The following ABHD2 variants were observed in gnomAD, a reference collection of about 807,000 sequenced individuals.
ABHD2 encodes monoacylglycerol lipase ABHD2.
In ABHD2, 20 loss-of-function variants were observed where a neutral mutation model predicts 48.1. The ratio of observed to expected loss-of-function variants is 0.42; its 90% CI spans 0.29 to 0.60. The LOEUF (loss-of-function observed/expected upper bound fraction) is 0.60, where lower values mean the gene tolerates loss of function less well. Ranked by LOEUF, ABHD2 falls within the 20% of genes least tolerant of loss-of-function variation. The pLI, the probability that ABHD2 is intolerant of heterozygous loss-of-function variation, is 0.24. For missense variants in ABHD2, 405 were observed against 550.9 expected (o/e 0.74, Z 2.65); for synonymous variants, 209 against 214.2 (o/e 0.98, Z 0.21).
At position 89,092,809 on chromosome 15, in the gene ABHD2, G is replaced by A. The variant is rs1901647804; in HGVS notation, c.-107+4246G>A. Among the ~76,000 whole-genome samples, 2 of 152,164 alleles carry A rather than the reference G, an allele frequency of 1.3e-5. No homozygotes were observed. The highest frequency in any genetic ancestry group is 2.4e-5 in the African/African-American group (1 of 41,434). On this transcript the variant is annotated intron_variant, in intron 1 of 10. Transcript: ENST00000352732. The surrounding 1 kb of genome is among the most constrained non-coding windows in gnomAD (Gnocchi z 4.4). ...TTGGCAGTGTGAAAAGAGCTTCCACGTCATTTTTTATGAAGGCCGTCTATT... is the reference window on the plus strand; with the variant it reads ...TTGGCAGTGTGAAAAGAGCTTCCACATCATTTTTTATGAAGGCCGTCTATT...
chr15:89,162,083 G>T (rs2150906331), intron 5 of ABHD2, among the ~76,000 whole-genome samples: 1 of 152,168 alleles, frequency 6.6e-6, no homozygotes, highest in East Asian at 1.9e-4. Flanking sequence ...CCACATTTTG[G>T]CTTAATTACA....
At chr15:89,169,358 A>T (rs1017125028) in intron 5 of ABHD2, among the ~76,000 whole-genome samples, 2 of 152,168 alleles carry the variant, frequency 1.3e-5, no homozygotes, top group African/African-American at 2.4e-5. Flanking sequence ...TCTGTGTTTA[A>T]GTTCCTAGAA....
At chr15:89,059,878 C>G in the ABHD2 span, among the ~76,000 whole-genome samples, 1 of 152,232 alleles carries the variant, frequency 6.6e-6, no homozygotes, top group African/African-American at 2.4e-5. Flanking sequence ...ATTCCACTGT[C>G]CCCTGCCCAG....
At chr15:89,063,971 C>T in the ABHD2 span, among the ~76,000 whole-genome samples, 1 of 151,990 alleles carries the variant, frequency 6.6e-6, no homozygotes, top group Admixed American at 6.5e-5. Flanking sequence ...AGTCCATGGC[C>T]CAGGGGTTGA....
Position 89,151,910 on chromosome 15 carries a change from T to C in ABHD2, c.370+58T>C. 1 of 1,581,824 alleles carries C rather than the reference T, an allele frequency of 6.3e-7. No individual in the cohort carries two copies. Among genetic ancestry groups the C allele is most frequent in the African/African-American group, 1.3e-5 (1 of 74,564 alleles). On this transcript the variant is annotated intron_variant, in intron 4 of 10. Transcript: ENST00000352732. This position sits in a 1 kb window ranked among gnomAD's most constrained non-coding sequence, Gnocchi z 4.7. ...CACTCAGAGAAGGAGCACTAGTCAG[T>C]GGAGAGCACAGCAGTGTGAATACTT...
At chr15:89,156,963 C>T (rs891999327) in intron 5 of ABHD2, among the ~76,000 whole-genome samples, 3 of 152,020 alleles carry the variant, frequency 2.0e-5, no homozygotes, top group Admixed American at 2.0e-4. Context: ...CTATTTCTTC[C>T]AACTACCCTT....
At chr15:89,103,831 A>C (rs59425669) in intron 1 of ABHD2, 1,731 of 152,384 alleles carry the variant, frequency 0.011, 32 homozygotes, top group African/African-American at 0.038. Flanking sequence ...GGCTCCCTGG[A>C]GGCCCAGTGT....
At position 89,185,226 on chromosome 15, in the gene ABHD2, C is replaced by T. The variant is rs78932226; in HGVS notation, c.723-198C>T. Among the ~76,000 whole-genome samples, 4,496 of 152,286 alleles carry T rather than the reference C, an allele frequency of 0.03. 205 individuals carry two copies. The highest frequency in any genetic ancestry group is 0.1 in the African/African-American group (4,264 of 41,534). On this transcript the variant is annotated intron_variant, in intron 6 of 10. Coordinates refer to ENST00000352732, the MANE Select transcript of ABHD2 (RefSeq NM_152924.5). This position sits in a 1 kb window ranked among gnomAD's most constrained non-coding sequence, Gnocchi z 5.9. ...CCTTTGCCGGGGTCCCCTTCCCCTG[C>T]GCTGTCTTGGTGTCTCCATAGATTT... is the stretch of plus-strand genomic sequence containing the variant.
the ABHD2 span, among the ~76,000 whole-genome samples, chr15:89,076,832 G>T: frequency 1.3e-5 from 2 of 152,068 alleles, no homozygotes; most frequent in Non-Finnish European, 2.9e-5. Flanking sequence ...ATTCCATTTG[G>T]TTGATCTATC....
chr15:89,063,269 A>G, the ABHD2 span, among the ~76,000 whole-genome samples: 1 of 151,406 alleles, frequency 6.6e-6, no homozygotes, highest in African/African-American at 2.4e-5. Flanking sequence ...CGCCCGGCCA[A>G]AAATTGCTGC....
Position 89,197,729 on chromosome 15 carries a change from G to C in ABHD2, c.*2306G>C, listed in dbSNP as rs925176308. On this transcript the variant is annotated 3_prime_UTR_variant, in exon 11 of 11. Transcript: ENST00000352732. The surrounding 1 kb of genome is among the most constrained non-coding windows in gnomAD (Gnocchi z 4.4). Reference sequence around the variant, plus strand: ...GAGCCTGGTCTGCACGGCAGTCCTGGTGGCCCCTGTGGAGGACAGGCAGGG... The same window carrying C: ...GAGCCTGGTCTGCACGGCAGTCCTGCTGGCCCCTGTGGAGGACAGGCAGGG... 3 of 152,208 alleles carry C rather than the reference G, an allele frequency of 2.0e-5. No individual in the cohort carries two copies. The highest frequency in any genetic ancestry group is 2.9e-5 in the Non-Finnish European group (2 of 68,076). The allele number at this position is 152,208 out of a possible 1,614,324, so 9.4% of individuals were successfully genotyped here.
intron 3 of ABHD2, among the ~76,000 whole-genome samples, chr15:89,142,693 C>G (rs1258780901): frequency 6.6e-6 from 1 of 152,170 alleles, no homozygotes; most frequent in African/African-American, 2.4e-5. Context: ...CCTTCCCCTC[C>G]ACAGCCCCTG....
chr15:89,185,412 TG>T lies in ABHD2; in HGVS notation c.723-10del. The T allele has an allele frequency of 6.2e-7, 1 of 1,613,442 alleles. No homozygotes were observed. Among genetic ancestry groups the T allele is most frequent in the South Asian group, 1.1e-5 (1 of 91,052 alleles). ...ACACCGCAGTCACCCTCACTCGCTGTGGTTCTTCCAGGGCCCAGGAAACCTT... is the reference window on the plus strand; with the variant it reads ...ACACCGCAGTCACCCTCACTCGCTGTGTTCTTCCAGGGCCCAGGAAACCTT... On this transcript the variant is annotated splice_polypyrimidine_tract_variant and intron_variant, in intron 6 of 10. Transcript: ENST00000352732. This position sits in a 1 kb window ranked among gnomAD's most constrained non-coding sequence, Gnocchi z 5.9.
chr15:89,107,429 T>G (rs988084026), intron 1 of ABHD2, among the ~76,000 whole-genome samples: 3 of 152,052 alleles, frequency 2.0e-5, no homozygotes, highest in Admixed American at 6.6e-5. Flanking sequence ...TGTGTGTCAG[T>G]TAGGAAGGAG....
At chr15:89,059,686 T>C in the ABHD2 span, among the ~76,000 whole-genome samples, 1 of 152,234 alleles carries the variant, frequency 6.6e-6, no homozygotes, top group Non-Finnish European at 1.5e-5. Context: ...GATGGTGGGT[T>C]CGAGGGCAGT....
the ABHD2 span, among the ~76,000 whole-genome samples, chr15:89,055,373 C>G: frequency 7.0e-6 from 1 of 142,406 alleles, no homozygotes; most frequent in African/African-American, 2.6e-5. Flanking sequence ...GTTGCTCAGG[C>G]TGGAGTGCAG....
chr15:89,177,490 T>C lies in ABHD2; in HGVS notation c.722+1495T>C, dbSNP rs969806970. Among the ~76,000 whole-genome samples the C allele has an allele frequency of 6.6e-6, 1 of 152,196 alleles. No individual in the cohort carries two copies. Among genetic ancestry groups the C allele is most frequent in the Admixed American group, 6.5e-5 (1 of 15,286 alleles). Reference sequence around the variant, plus strand: ...ATTTTGATTCATGAAGTTGGAGGCATGGGACCTCAGAAGTCTGCATTTTGG... The same window carrying C: ...ATTTTGATTCATGAAGTTGGAGGCACGGGACCTCAGAAGTCTGCATTTTGG... On this transcript the variant is annotated intron_variant, in intron 6 of 10. Transcript: ENST00000352732. The surrounding 1 kb of genome is among the most constrained non-coding windows in gnomAD (Gnocchi z 5.6).
chr15:89,160,285 A>G (rs1465224629), intron 5 of ABHD2, among the ~76,000 whole-genome samples: 2 of 152,204 alleles, frequency 1.3e-5, no homozygotes, highest in East Asian at 3.8e-4. Context: ...ACCTTTTATC[A>G]TAGTTAATCA....
chr15:89,129,091 TG>T (rs1279020512), intron 3 of ABHD2, among the ~76,000 whole-genome samples: 3 of 152,132 alleles, frequency 2.0e-5, no homozygotes, highest in Non-Finnish European at 4.4e-5. Context: ...TTGTTTAGCT[TG>T]GGGCTTGTCC....
Sources: allele counts gnomAD v4.1 joint callset (sites outside exome capture counted in the v4.1 genomes callset), GRCh38; gene constraint gnomAD v4.1.1; non-coding constraint Gnocchi (gnomAD v3.1); transcripts MANE v1.5; gene names NCBI Gene and HGNC (gene_info 2026-07-23, HGNC 2026-07-21).